Variants in SMAD1 observed in about 807,000 individuals in gnomAD.
The protein encoded by SMAD1 is MAD, mothers against decapentaplegic homolog 1.
Under a neutral mutation model 41.6 loss-of-function variants are expected in SMAD1, and 6 were observed. The ratio of observed to expected loss-of-function variants is 0.14; its 90% CI spans 0.08 to 0.28. SMAD1 has a LOEUF of 0.28. SMAD1 is among the 10% of genes least tolerant of loss of function. The pLI is 1.00. For missense variants in SMAD1, 379 were observed against 582.6 expected (o/e 0.65, Z 3.60); for synonymous variants, 206 against 203.2 (o/e 1.01, Z -0.12).
At chr4:145,489,967 G>A (rs1578734286) in intron 1 of SMAD1, among the ~76,000 whole-genome samples, 1 of 152,308 alleles carries the variant, frequency 6.6e-6, no homozygotes, top group South Asian at 2.1e-4. Context: ...GGAAAACCAG[G>A]AAGCCACTGG....
At chr4:145,555,274 G>A (rs1732775823) in intron 6 of SMAD1, among the ~76,000 whole-genome samples, 1 of 152,276 alleles carries the variant, frequency 6.6e-6, no homozygotes, top group Admixed American at 6.5e-5. Flanking sequence ...TTTTGACTTA[G>A]CATTTGGCTC....
chr4:145,544,298 G>A (rs1206128582), intron 4 of SMAD1: 1 of 152,326 alleles, frequency 6.6e-6, no homozygotes, highest in Non-Finnish European at 1.5e-5. Context: ...TGGTGATGAA[G>A]GCTGGGCGCG....
chr4:145,535,968 C>A (rs1578806120), intron 2 of SMAD1, among the ~76,000 whole-genome samples: 1 of 144,666 alleles, frequency 6.9e-6, no homozygotes, highest in African/African-American at 2.6e-5. Flanking sequence ...TGAATGAATC[C>A]AAGTTCTTAG....
rs1376718619 is a variant in SMAD1, at chr4:145,517,788, T to C, written c.400+2775T>C. Among the ~76,000 whole-genome samples, 9 of 125,580 alleles carry C rather than the reference T, an allele frequency of 7.2e-5. 2 individuals are homozygous for C. The highest frequency in any genetic ancestry group is 1.5e-4 in the African/African-American group (6 of 39,454). The allele number at this position is 125,580 out of a possible 152,430, so 82.4% of individuals were successfully genotyped here. A position where few individuals can be genotyped will look rare whatever the true frequency, so the allele number is the denominator to read the frequency against. On this transcript the variant is annotated intron_variant, in intron 2 of 6. Coordinates refer to ENST00000302085, the MANE Select transcript of SMAD1 (RefSeq NM_005900.3). ...GTTAAAACCAATACTGAGATGAATT[T>C]GTTACTCTTAATAACATATGTGCTA...
chr4:145,557,515 T>G (rs747406327), intron 6 of SMAD1, among the ~76,000 whole-genome samples: 1 of 152,194 alleles, frequency 6.6e-6, no homozygotes, highest in Non-Finnish European at 1.5e-5. Flanking sequence ...TAAGATAACT[T>G]TATAATGTAT....
At chr4:145,508,732 G>A (rs770389868) in intron 1 of SMAD1, among the ~76,000 whole-genome samples, 1 of 152,122 alleles carries the variant, frequency 6.6e-6, no homozygotes, top group Non-Finnish European at 1.5e-5. Flanking sequence ...CATATAGACT[G>A]AGTGGCTTAT....
intron 2 of SMAD1, among the ~76,000 whole-genome samples, chr4:145,526,461 G>A (rs1039990644): frequency 6.6e-6 from 1 of 152,068 alleles, no homozygotes; most frequent in Admixed American, 6.5e-5. Context: ...GAAAAGTTGT[G>A]GATAAATGTC....
chr4:145,514,591 G>C lies in SMAD1; in HGVS notation c.-23G>C. 1 of 1,552,646 alleles carries C rather than the reference G, an allele frequency of 6.4e-7. No homozygotes were observed. The highest frequency in any genetic ancestry group is 8.7e-7 in the Non-Finnish European group (1 of 1,152,512). ...GACAGCTTTATTTCACCATATCCAAGGAGTATAACTAGTGCTGTCATTATG... is the reference window on the plus strand; with the variant it reads ...GACAGCTTTATTTCACCATATCCAACGAGTATAACTAGTGCTGTCATTATG... On this transcript the variant is annotated 5_prime_UTR_variant, in exon 2 of 7. Transcript: ENST00000302085. This position sits in a 1 kb window ranked among gnomAD's most constrained non-coding sequence, Gnocchi z 4.7.
At chr4:145,497,496 C>G (rs1410159412) in intron 1 of SMAD1, 1 of 152,138 alleles carries the variant, frequency 6.6e-6, no homozygotes, top group African/African-American at 2.4e-5. Context: ...CATTTTCTTT[C>G]TACTGCACCT....
chr4:145,558,956 A>C lies in SMAD1; in HGVS notation c.*1022A>C, dbSNP rs1331765949. On this transcript the variant is annotated 3_prime_UTR_variant, in exon 7 of 7. Transcript: ENST00000302085. ...AAGTGAATTTTTTGCCAAACTTAGT[A>C]ACTCTGTTAAATATTTGGAGGATTT... is the stretch of plus-strand genomic sequence containing the variant. Among the ~76,000 whole-genome samples the C allele has an allele frequency of 6.6e-6, 1 of 152,210 alleles. No individual in the cohort carries two copies. The highest frequency in any genetic ancestry group is 1.5e-5 in the Non-Finnish European group (1 of 68,032).
intron 2 of SMAD1, among the ~76,000 whole-genome samples, chr4:145,534,513 T>A (rs573919515): frequency 2.1e-4 from 32 of 152,354 alleles, no homozygotes; most frequent in African/African-American, 7.0e-4. Flanking sequence ...CCCTATCGGA[T>A]ATTAAAATCT....
chr4:145,549,972 A>T (rs1181349314), intron 5 of SMAD1, among the ~76,000 whole-genome samples: 1 of 152,156 alleles, frequency 6.6e-6, no homozygotes, highest in Non-Finnish European at 1.5e-5. Context: ...AACTCTAAAG[A>T]TGACTCTTAT....
At chr4:145,536,791 G>A (rs563280550) in intron 2 of SMAD1, among the ~76,000 whole-genome samples, 1 of 152,172 alleles carries the variant, frequency 6.6e-6, no homozygotes, top group South Asian at 2.1e-4. Flanking sequence ...AATTACAAAA[G>A]GAAAGATAGA....
intron 5 of SMAD1, among the ~76,000 whole-genome samples, chr4:145,549,356 G>A (rs914167300): frequency 2.0e-5 from 3 of 152,138 alleles, no homozygotes; most frequent in African/African-American, 7.2e-5. Context: ...AAATACTTAA[G>A]TATTTAAGGA....
upstream of SMAD1, chr4:145,481,848 C>A: frequency 6.2e-6 from 1 of 161,564 alleles, no homozygotes; most frequent in Middle Eastern, 3.1e-3. Flanking sequence ...GACGCCAGCG[C>A]GACCAGATCA....
At chr4:145,528,086 C>CAT in intron 2 of SMAD1, among the ~76,000 whole-genome samples, 1 of 144,908 alleles carries the variant, frequency 6.9e-6, no homozygotes, top group African/African-American at 2.7e-5. Context: ...CACACACACA[C>CAT]ACACACATAC....
At chr4:145,527,502 C>G (rs1038540479) in intron 2 of SMAD1, among the ~76,000 whole-genome samples, 1 of 152,112 alleles carries the variant, frequency 6.6e-6, no homozygotes, top group Non-Finnish European at 1.5e-5. Flanking sequence ...GGATTACAGG[C>G]GTGAGCCACC....
At chr4:145,506,400 G>A (rs1435460207) in intron 1 of SMAD1, among the ~76,000 whole-genome samples, 3 of 152,040 alleles carry the variant, frequency 2.0e-5, no homozygotes, top group Non-Finnish European at 4.4e-5. Context: ...CTTAAAGTAC[G>A]GAGAGTTTTT....
intron 1 of SMAD1, among the ~76,000 whole-genome samples, chr4:145,512,924 G>T (rs1730165431): frequency 6.6e-6 from 1 of 152,218 alleles, no homozygotes; most frequent in East Asian, 1.9e-4. Context: ...ATTCTAGATT[G>T]GTTGTAAAGA....
Sources: allele counts gnomAD v4.1 joint callset (sites outside exome capture counted in the v4.1 genomes callset), GRCh38; gene constraint gnomAD v4.1.1; non-coding constraint Gnocchi (gnomAD v3.1); transcripts MANE v1.5; gene names NCBI Gene and HGNC (gene_info 2026-07-23, HGNC 2026-07-21).